Variants in DDX18 observed in about 807,000 individuals in gnomAD.
DDX18 encodes DEAD-box helicase 18, also known as ATP-dependent RNA helicase DDX18.
A neutral mutation model predicts 73.5 loss-of-function variants in DDX18; 23 were observed. The observed-to-expected ratio is 0.31, with a 90% CI of 0.23 to 0.44. The LOEUF is 0.44. Among genes scored for constraint, DDX18 ranks in the 20% least tolerant of loss-of-function variants. DDX18 has a pLI of 1.00. For missense variants in DDX18, 753 were observed against 792.9 expected (o/e 0.95, Z 0.60); for synonymous variants, 268 against 282.7 (o/e 0.95, Z 0.52).
intron 11 of DDX18, chr2:117,827,647 T>C (rs2104626523): frequency 6.6e-6 from 1 of 152,254 alleles, no homozygotes; most frequent in South Asian, 2.1e-4. Flanking sequence ...GTCATCCATG[T>C]CCCTACAAAG....
chr2:117,825,839 A>T, intron 10 of DDX18: 1 of 475,048 alleles, frequency 2.1e-6, no homozygotes. Context: ...CCTTGGAATG[A>T]TCTCTTAAGA....
chr2:117,825,510 A>G lies in DDX18; in HGVS notation c.1432A>G (p.Thr478Ala), dbSNP rs1679911516. Reference sequence around the variant, plus strand: ...CCAGTTCTGCAATGCAGATTCGGGAACACTATTGTGTACGGATGTGGCAGC... The same window carrying G: ...CCAGTTCTGCAATGCAGATTCGGGAGCACTATTGTGTACGGATGTGGCAGC... Reference protein sequence around the residue: ...FFQFCNADSGTLLCTDVAARG... With the variant: ...FFQFCNADSGALLCTDVAARG... The change falls in exon 10 of 14, where the codon ACA becomes GCA. Residue 478 changes from threonine to alanine, a missense_variant. Physicochemically the swap from Thr to Ala is moderately conservative, Grantham distance 58. Transcript: ENST00000263239. The G allele has an allele frequency of 1.2e-6, 2 of 1,614,162 alleles. No individual in the cohort carries two copies. The highest frequency in any genetic ancestry group is 1.7e-6 in the Non-Finnish European group (2 of 1,180,018).
intron 3 of DDX18, among the ~76,000 whole-genome samples, chr2:117,820,920 C>T (rs1679836261): frequency 6.6e-6 from 1 of 152,086 alleles, no homozygotes; most frequent in Non-Finnish European, 1.5e-5. Flanking sequence ...GGTTATACCT[C>T]CTCTCTACCC....
chr2:117,820,582 G>A (rs1280789148), intron 3 of DDX18, among the ~76,000 whole-genome samples: 1 of 152,202 alleles, frequency 6.6e-6, no homozygotes, highest in Non-Finnish European at 1.5e-5. Flanking sequence ...CAGCCCAGAT[G>A]TCAGCAATGC....
At chr2:117,830,264 T>A (rs1679999186) in intron 13 of DDX18, among the ~76,000 whole-genome samples, 1 of 152,250 alleles carries the variant, frequency 6.6e-6, no homozygotes, top group African/African-American at 2.4e-5. Context: ...GGTGTTTTTT[T>A]AATGTGCTCC....
chr2:117,824,502 G>A, intron 7 of DDX18, 67 bp from the exon 8 acceptor site: 5 of 1,274,872 alleles, frequency 3.9e-6, no homozygotes, highest in Non-Finnish European at 5.1e-6. Flanking sequence ...TAGAATATTT[G>A]TAGTTGTGAG....
rs770229868 is a variant in DDX18, at chr2:117,825,087, G to C, written c.1354G>C (p.Val452Leu). The C allele has an allele frequency of 6.2e-6, 10 of 1,608,842 alleles. No homozygotes were observed. The highest frequency in any genetic ancestry group is 8.5e-6 in the Non-Finnish European group (10 of 1,178,584). Residue 452 changes from valine (V) to leucine (L), a missense_variant, in exon 9 of 14, where the codon GTC (valine) becomes CTC (leucine). Val to Leu is a conservative substitution (Grantham distance 32, BLOSUM62 1). Coordinates refer to ENST00000263239, the MANE Select transcript of DDX18 (RefSeq NM_006773.4). ...YELLNYIDLP[V>L]LAIHGKQKQN... ...GTTGCTGAACTACATTGATTTGCCC[G>C]TCTTGGCCATTCATGTAAGTGATGA...
At chr2:117,830,448 T>C in intron 13 of DDX18, 134 bp from the exon 14 acceptor site, 1 of 1,111,414 alleles carries the variant, frequency 9.0e-7, no homozygotes, top group East Asian at 2.7e-5. Context: ...CATAGGCTTA[T>C]GTTCCCACAT....
At chr2:117,816,137 G>A (rs1679753406) in intron 1 of DDX18, among the ~76,000 whole-genome samples, 1 of 152,236 alleles carries the variant, frequency 6.6e-6, no homozygotes, top group South Asian at 2.1e-4. Flanking sequence ...AGGACTGGAA[G>A]TTACCCTGAG....
rs1303575440 is a variant in DDX18 at position 117,823,484 on chromosome 2, C to T, written c.1067-1085C>T. ...ACACATATACACACATATATATGCA[C>T]ACACAGTTGAATTTTATATTGATCT... is the stretch of plus-strand genomic sequence containing the variant. On this transcript the variant is annotated intron_variant, in intron 7 of 13. Transcript: ENST00000263239. 5.3e-5 allele frequency among the ~76,000 whole-genome samples: 8 copies of T among 152,100 alleles called. No homozygotes were observed. The East Asian group carries it at 1.5e-3, about 29-fold the overall frequency.
chr2:117,819,017 A>G (rs1679803556), intron 2 of DDX18, among the ~76,000 whole-genome samples: 1 of 152,226 alleles, frequency 6.6e-6, no homozygotes, highest in South Asian at 2.1e-4. Context: ...GTTCTTTTCA[A>G]ACATCACTAA....
chr2:117,819,531 C>A (rs2104620521), intron 2 of DDX18, 118 bp from the exon 3 acceptor site: 2 of 966,652 alleles, frequency 2.1e-6, no homozygotes, highest in Non-Finnish European at 3.0e-6. Flanking sequence ...ATTAATACAG[C>A]ATATACTTAG....
At chr2:117,818,941 G>A (rs892138547) in intron 2 of DDX18, among the ~76,000 whole-genome samples, 1 of 152,190 alleles carries the variant, frequency 6.6e-6, no homozygotes, top group African/African-American at 2.4e-5. Flanking sequence ...TTTCCTGGAA[G>A]GGTGGCCGTC....
rs955833399 is a variant in DDX18 at position 117,815,045 on chromosome 2, T to C, written c.85+183T>C. The C allele has an allele frequency of 6.9e-5, 43 of 620,216 alleles. No homozygotes were observed. The African/African-American group carries it at 7.5e-4, about 11-fold the overall frequency. The allele number at this position is 620,216 out of a possible 1,614,324, so 38.4% of individuals were successfully genotyped here. On this transcript the variant is annotated intron_variant, in intron 1 of 13. Transcript: ENST00000263239. ...CGCTGCTGCCCACTCGTCGCGTGGC[T>C]CCAGCGCTGCTCCTGACCTTTCTGA...
chr2:117,821,064 G>A lies in DDX18; in HGVS notation c.515-97G>A, dbSNP rs927426267. On this transcript the variant is annotated intron_variant, in intron 3 of 13. Coordinates refer to ENST00000263239, the MANE Select transcript of DDX18 (RefSeq NM_006773.4). Reference sequence around the variant, plus strand: ...TTAAGGTTTAGCCTTTTCTTACTGCGGGAAGCTTTTCTAAGCAAAATAGAT... The same window carrying A: ...TTAAGGTTTAGCCTTTTCTTACTGCAGGAAGCTTTTCTAAGCAAAATAGAT... 1.4e-5 allele frequency: 17 copies of A among 1,199,076 alleles called. No individual in the cohort carries two copies. In the Admixed American group the frequency reaches 1.9e-4, roughly 13 times the overall value. 74.3% of individuals were successfully genotyped at this position (1,199,076 alleles called of 1,614,324 possible).
In DDX18 at chr2:117,831,297, A is replaced by G. The variant is rs543459638; in HGVS notation, c.*573A>G. On this transcript the variant is annotated 3_prime_UTR_variant, in exon 14 of 14. Coordinates refer to ENST00000263239, the MANE Select transcript of DDX18 (RefSeq NM_006773.4). Reference sequence around the variant, plus strand: ...AAGATTAGGGTGGCATTGCTTTTATAGATTCTTGATTTTAAAGCAACAGGC... The same window carrying G: ...AAGATTAGGGTGGCATTGCTTTTATGGATTCTTGATTTTAAAGCAACAGGC... 1.3e-5 allele frequency: 2 copies of G among 152,368 alleles called. No homozygotes were observed. Among genetic ancestry groups the G allele is most frequent in the South Asian group, 4.1e-4 (2 of 4,828 alleles). The allele number at this position is 152,368 out of a possible 1,614,324, so 9.4% of individuals were successfully genotyped here.
intron 1 of DDX18, among the ~76,000 whole-genome samples, chr2:117,816,164 G>A (rs1026395719): frequency 5.9e-5 from 9 of 152,346 alleles, no homozygotes; most frequent in African/African-American, 2.2e-4. Flanking sequence ...AGTGAGCGGT[G>A]AGTGAATGTG....
chr2:117,825,693 A>C (rs1212662024), intron 10 of DDX18, 94 bp downstream of exon 10: 2 of 1,462,562 alleles, frequency 1.4e-6, no homozygotes, highest in African/African-American at 2.8e-5. Context: ...TTCCACATTC[A>C]AGGTAAAGAT....
intron 11 of DDX18, 142 bp downstream of exon 11, chr2:117,826,524 T>G (rs1679930868): frequency 1.3e-6 from 1 of 761,798 alleles, no homozygotes; most frequent in African/African-American, 1.7e-5. Context: ...TAAGGTTTTA[T>G]GTACTTCTAG....
Sources: allele counts gnomAD v4.1 joint callset (sites outside exome capture counted in the v4.1 genomes callset), GRCh38; gene constraint gnomAD v4.1.1; transcripts MANE v1.5; gene names NCBI Gene and HGNC (gene_info 2026-07-23, HGNC 2026-07-21).